RP1: variants seen among roughly 807,000 people sequenced by gnomAD.
RP1 encodes RP1 axonemal microtubule associated, also known as oxygen-regulated protein 1.
A neutral mutation model predicts 14.8 loss-of-function variants in RP1; 16 were observed. That is an observed-to-expected ratio of 1.08 (90% CI 0.73 to 1.65). RP1 has a LOEUF of 1.65. Among genes scored for constraint, RP1 ranks in the 40% most tolerant of loss-of-function variants. RP1 has a pLI of 0.00. For missense variants in RP1, 2,631 were observed against 2,535.0 expected (o/e 1.04, Z -0.81); for synonymous variants, 876 against 883.6 (o/e 0.99, Z 0.15).
At chr8:54,601,290 A>T (rs1805278312) in intron 1 of RP1, among the ~76,000 whole-genome samples, 1 of 147,968 alleles carries the variant, frequency 6.8e-6, no homozygotes, top group Admixed American at 6.6e-5. Context: ...GTGGATATGT[A>T]ATTTTTTTTG....
intron 7 of RP1, among the ~76,000 whole-genome samples, chr8:54,672,931 A>G (rs189872521): frequency 4.6e-5 from 7 of 152,304 alleles, no homozygotes; most frequent in Admixed American, 4.6e-4. Context: ...TATTGCATAG[A>G]AAGTCCTGCT....
At chr8:54,640,049 T>C (rs758883818) in intron 3 of RP1, among the ~76,000 whole-genome samples, 2 of 152,064 alleles carry the variant, frequency 1.3e-5, no homozygotes, top group African/African-American at 4.8e-5. Flanking sequence ...TTTTCTCCTG[T>C]GTTTTCTTTT....
chr8:54,642,734 AG>A (rs1806474912), intron 3 of RP1, among the ~76,000 whole-genome samples: 1 of 152,142 alleles, frequency 6.6e-6, no homozygotes, highest in Non-Finnish European at 1.5e-5. Context: ...AAATTACAGG[AG>A]TAAAATAGTT....
At chr8:54,684,727 A>G (rs1334371704) in intron 12 of RP1, among the ~76,000 whole-genome samples, 1 of 151,770 alleles carries the variant, frequency 6.6e-6, no homozygotes, top group Non-Finnish European at 1.5e-5. Flanking sequence ...CTAGTGGCCT[A>G]TTTTACTTTT....
chr8:54,744,462 G>A (rs1419416800), intron 19 of RP1, among the ~76,000 whole-genome samples: 3 of 152,224 alleles, frequency 2.0e-5, no homozygotes, highest in East Asian at 1.9e-4. Flanking sequence ...GAAAGGCAAA[G>A]TGTCTATTTG....
downstream of RP1, among the ~76,000 whole-genome samples, chr8:54,770,974 C>A (rs186945866): frequency 1.1e-3 from 165 of 151,952 alleles, 1 homozygote; most frequent in African/African-American, 3.9e-3. Context: ...TCTATGTTTT[C>A]AAAAATGGAT....
intron 15 of RP1, among the ~76,000 whole-genome samples, chr8:54,709,328 C>T (rs1209507875): frequency 6.6e-6 from 1 of 152,192 alleles, no homozygotes; most frequent in African/African-American, 2.4e-5. Context: ...CGTTGTGCTG[C>T]TTTGCATCAA....
chr8:54,667,230 T>A (rs1041361722), intron 7 of RP1, among the ~76,000 whole-genome samples: 25 of 152,028 alleles, frequency 1.6e-4, no homozygotes, highest in African/African-American at 5.6e-4. Flanking sequence ...TGGGCTTCAG[T>A]GGGGTCTTCC....
intron 17 of RP1, among the ~76,000 whole-genome samples, chr8:54,727,734 A>G (rs992814415): frequency 6.6e-6 from 1 of 151,974 alleles, no homozygotes; most frequent in Non-Finnish European, 1.5e-5. Flanking sequence ...TTATAGGTAA[A>G]ACAGACTTGG....
At chr8:54,682,089 T>A (rs907552348) in intron 12 of RP1, among the ~76,000 whole-genome samples, 7 of 152,132 alleles carry the variant, frequency 4.6e-5, no homozygotes, top group African/African-American at 1.7e-4. Context: ...AAATGGTGTT[T>A]CTGCTTCTAG....
chr8:54,782,285 G>A (rs995319323), intron 23 of RP1, among the ~76,000 whole-genome samples: 1 of 151,962 alleles, frequency 6.6e-6, no homozygotes, highest in African/African-American at 2.4e-5. Context: ...TGAGGTACTG[G>A]GTCCATCTTT....
chr8:54,798,166 A>G (rs1810619724), intron 24 of RP1, among the ~76,000 whole-genome samples: 1 of 152,076 alleles, frequency 6.6e-6, no homozygotes, highest in Non-Finnish European at 1.5e-5. Flanking sequence ...GGCACGTGCC[A>G]CCACGCCCGG....
intron 24 of RP1, among the ~76,000 whole-genome samples, chr8:54,819,813 C>A (rs1405443458): frequency 6.6e-6 from 1 of 152,170 alleles, no homozygotes; most frequent in Non-Finnish European, 1.5e-5. Context: ...TATTCTCTCA[C>A]TTTCCCCTAA....
intron 8 of RP1, chr8:54,678,452 T>A (rs1807348434): frequency 1.3e-6 from 2 of 1,531,430 alleles, no homozygotes; most frequent in Non-Finnish European, 1.7e-6. Flanking sequence ...TTCTTTAATT[T>A]GTGTTTAGGA....
At chr8:54,785,199 G>T (rs1035131809) in intron 24 of RP1, among the ~76,000 whole-genome samples, 29 of 152,008 alleles carry the variant, frequency 1.9e-4, no homozygotes, top group Non-Finnish European at 2.9e-5. Flanking sequence ...TAGGAAACTA[G>T]TAATCTACTT....
chr8:54,605,861 C>A (rs1428398989), intron 1 of RP1, among the ~76,000 whole-genome samples: 1 of 152,094 alleles, frequency 6.6e-6, no homozygotes, highest in Non-Finnish European at 1.5e-5. Flanking sequence ...AGGATTGCAA[C>A]CCCTGCCTTT....
At chr8:54,835,944 G>A (rs1336442568) in intron 24 of RP1, among the ~76,000 whole-genome samples, 1 of 152,038 alleles carries the variant, frequency 6.6e-6, no homozygotes, top group Admixed American at 6.6e-5. Context: ...TTTTTTCTAC[G>A]TGATAGAATT....
chr8:54,828,934 C>T (rs537622062), intron 24 of RP1, among the ~76,000 whole-genome samples: 207 of 137,758 alleles, frequency 1.5e-3, no homozygotes, highest in African/African-American at 5.6e-3. Context: ...CTCTGTCACC[C>T]AGGCTGGAGT....
At chr8:54,849,263 G>GT (rs1306242873) in intron 25 of RP1, among the ~76,000 whole-genome samples, 6 of 151,948 alleles carry the variant, frequency 3.9e-5, no homozygotes, top group African/African-American at 1.2e-4. Context: ...TGTATTTTCT[G>GT]TTTTTTGTTT....
Sources: allele counts gnomAD v4.1 joint callset (sites outside exome capture counted in the v4.1 genomes callset), GRCh38; gene constraint gnomAD v4.1.1; transcripts MANE v1.5; gene names NCBI Gene and HGNC (gene_info 2026-07-23, HGNC 2026-07-21).